Variants in RAPGEF2 observed in about 807,000 individuals in gnomAD.
The protein encoded by RAPGEF2 is PDZ domain containing guanine nucleotide exchange factor (GEF) 1.
A neutral mutation model predicts 186.7 loss-of-function variants in RAPGEF2; 54 were observed. The ratio of observed to expected loss-of-function variants is 0.29; its 90% confidence interval spans 0.23 to 0.36. The LOEUF (loss-of-function observed/expected upper bound fraction) is 0.36. RAPGEF2 is among the 10% of genes least tolerant of loss of function. RAPGEF2 has a pLI of 1.00. For missense variants in RAPGEF2, 1,532 were observed against 2,045.0 expected, an observed-to-expected ratio of 0.75 and a Z score of 4.84; for synonymous variants, 712 against 705.9, an observed-to-expected ratio of 1.01 and a Z score of -0.14.
At chr4:159,200,214 T>TTA (rs1204337752) in intron 3 of RAPGEF2, among the ~76,000 whole-genome samples, 1 of 152,192 alleles carries the variant, frequency 6.6e-6, no homozygotes, top group African/African-American at 2.4e-5. Flanking sequence ...ATGCCTGTAA[T>TTA]CCCAGCACCT....
At chr4:159,272,904 A>G (rs955810870) in intron 7 of RAPGEF2, among the ~76,000 whole-genome samples, 7 of 152,226 alleles carry the variant, frequency 4.6e-5, no homozygotes, top group African/African-American at 1.2e-4. Context: ...TCTCCTTCCT[A>G]TCTTTCAACT....
chr4:159,210,423 A>G, intron 3 of RAPGEF2, 77 bp from the exon 4 acceptor site: 1 of 926,118 alleles, frequency 1.1e-6, no homozygotes, highest in East Asian at 2.6e-5. Flanking sequence ...TGGGTGCTGC[A>G]CTTTGTGCTA....
At chr4:159,342,915 CAATA>C in intron 20 of RAPGEF2, 60 bp from the exon 21 acceptor site, 1 of 1,377,662 alleles carries the variant, frequency 7.3e-7, no homozygotes, top group Non-Finnish European at 1.0e-6. Flanking sequence ...TGTTATATGT[CAATA>C]AATAATCTGT....
At chr4:159,331,592 G>A (rs1303973233) in intron 14 of RAPGEF2, 38 bp from the exon 15 acceptor site, 1 of 1,611,576 alleles carries the variant, frequency 6.2e-7, no homozygotes, top group Non-Finnish European at 8.5e-7. Context: ...TATTCAGCCT[G>A]TTCTTGAGTT....
At chr4:159,156,693 A>C (rs1744166937) in intron 1 of RAPGEF2, among the ~76,000 whole-genome samples, 1 of 152,088 alleles carries the variant, frequency 6.6e-6, no homozygotes, top group Non-Finnish European at 1.5e-5. Flanking sequence ...CCTGTATCCA[A>C]GTGATCTCAT....
intron 4 of RAPGEF2, among the ~76,000 whole-genome samples, chr4:159,236,410 T>A (rs1390843261): frequency 6.6e-6 from 1 of 152,202 alleles, no homozygotes; most frequent in Non-Finnish European, 1.5e-5. Flanking sequence ...ACGCCTTAAA[T>A]CCTGGAGTGG....
intron 7 of RAPGEF2, among the ~76,000 whole-genome samples, chr4:159,249,414 G>A (rs1201574337): frequency 1.3e-5 from 2 of 150,528 alleles, no homozygotes; most frequent in East Asian, 2.0e-4. Flanking sequence ...TCAGGTGATT[G>A]GAAATACTCT....
At chr4:159,292,874 A>G (rs1428718124) in intron 7 of RAPGEF2, among the ~76,000 whole-genome samples, 2 of 152,098 alleles carry the variant, frequency 1.3e-5, no homozygotes, top group African/African-American at 2.4e-5. Context: ...GCACTGAACA[A>G]CTCCATATAT....
At chr4:159,311,444 A>T (rs147899870) in intron 8 of RAPGEF2, among the ~76,000 whole-genome samples, 1 of 152,292 alleles carries the variant, frequency 6.6e-6, no homozygotes, top group Non-Finnish European at 1.5e-5. Context: ...TAGAAGGTGT[A>T]CAAGTTCTAA....
chr4:159,297,213 A>G (rs1025467383), intron 7 of RAPGEF2, among the ~76,000 whole-genome samples: 1 of 152,178 alleles, frequency 6.6e-6, no homozygotes, highest in African/African-American at 2.4e-5. Context: ...GGAAAGTAGC[A>G]AGGAACGTTT....
chr4:159,209,135 G>A (rs1384985974), intron 3 of RAPGEF2, among the ~76,000 whole-genome samples: 4 of 143,004 alleles, frequency 2.8e-5, no homozygotes, highest in Non-Finnish European at 6.0e-5. Flanking sequence ...CAGGTGATCC[G>A]CCTGCCTGAG....
At chr4:159,209,762 C>T (rs576914134) in intron 3 of RAPGEF2, among the ~76,000 whole-genome samples, 1 of 152,374 alleles carries the variant, frequency 6.6e-6, no homozygotes, top group South Asian at 2.1e-4. Flanking sequence ...CTAGACCCAA[C>T]AGTTGCCTTT....
At chr4:159,251,580 T>A (rs1168634342) in intron 7 of RAPGEF2, among the ~76,000 whole-genome samples, 1 of 152,094 alleles carries the variant, frequency 6.6e-6, no homozygotes, top group African/African-American at 2.4e-5. Context: ...GCACTCTGTC[T>A]AGCTAAAGAT....
At chr4:159,173,143 T>C (rs1257648789) in intron 1 of RAPGEF2, among the ~76,000 whole-genome samples, 7 of 152,218 alleles carry the variant, frequency 4.6e-5, no homozygotes, top group African/African-American at 1.7e-4. Context: ...GGTTGACTCC[T>C]TGGTAAAACA....
At chr4:159,267,600 T>C in intron 7 of RAPGEF2, 1 of 481,002 alleles carries the variant, frequency 2.1e-6, no homozygotes, top group Non-Finnish European at 3.0e-6. Context: ...GCCCTGATTT[T>C]TTTCTTTCTT....
intron 9 of RAPGEF2, among the ~76,000 whole-genome samples, chr4:159,321,729 G>GT (rs1208335284): frequency 6.6e-6 from 1 of 152,200 alleles, no homozygotes; most frequent in Non-Finnish European, 1.5e-5. Context: ...CTACCAAAGT[G>GT]TAAGCTGTTT....
chr4:159,323,065 T>C (rs1765447889), intron 10 of RAPGEF2, among the ~76,000 whole-genome samples: 1 of 152,226 alleles, frequency 6.6e-6, no homozygotes, highest in Non-Finnish European at 1.5e-5. Flanking sequence ...TTTGATATAT[T>C]AACTTTTCAG....
intron 1 of RAPGEF2, among the ~76,000 whole-genome samples, chr4:159,178,552 T>A (rs902890229): frequency 1.6e-4 from 8 of 50,960 alleles, no homozygotes; most frequent in Non-Finnish European, 2.2e-4. Flanking sequence ...TGTATTATGC[T>A]TTTTTTTTTT....
intron 1 of RAPGEF2, among the ~76,000 whole-genome samples, chr4:159,162,157 G>A (rs950622411): frequency 2.6e-5 from 4 of 151,126 alleles, no homozygotes; most frequent in South Asian, 2.1e-4. Flanking sequence ...GGCTGAGGTG[G>A]GATGATTGCT....
Sources: allele counts gnomAD v4.1 joint callset (sites outside exome capture counted in the v4.1 genomes callset), GRCh38; gene constraint gnomAD v4.1.1; transcripts MANE v1.5; gene names NCBI Gene and HGNC (gene_info 2026-07-23, HGNC 2026-07-21).